The following GART variants were observed in gnomAD, a reference collection of about 807,000 sequenced individuals.
GART encodes the protein phosphoribosylglycinamide formyltransferase, phosphoribosylglycinamide synthetase, phosphoribosylaminoimidazole synthetase, also known as trifunctional purine biosynthetic protein adenosine-3.
Under a neutral mutation model 107.2 loss-of-function variants are expected in GART, and 43 were observed. The observed-to-expected ratio is 0.40, with a 90% CI of 0.31 to 0.52. The LOEUF (loss-of-function observed/expected upper bound fraction) is 0.52, where lower values mean the gene tolerates loss of function less well. Ranked by LOEUF, GART falls within the 20% of genes least tolerant of loss-of-function variation. GART has a pLI of 0.52. For synonymous variants in GART, 434 were observed against 427.0 expected (o/e 1.02, Z -0.20); for missense variants, 1,107 against 1,206.5 (o/e 0.92, Z 1.22).
intron 14 of GART, 138 bp from the exon 15 acceptor site, chr21:33,517,746 G>A (rs1365387306): frequency 2.3e-6 from 2 of 869,912 alleles, no homozygotes; most frequent in East Asian, 2.6e-5. Flanking sequence ...TACTCTACCA[G>A]CTGTCTAACA....
intron 16 of GART, among the ~76,000 whole-genome samples, chr21:33,516,246 TAAA>T (rs11321647): frequency 1.5e-4 from 14 of 95,190 alleles, no homozygotes; most frequent in Admixed American, 7.4e-4. Flanking sequence ...AGACTCTGTC[TAAA>T]AAAAAAAAAA....
chr21:33,516,246 TAA>T (rs11321647), intron 16 of GART, among the ~76,000 whole-genome samples: 2,922 of 95,228 alleles, frequency 0.031, 32 homozygotes, highest in Non-Finnish European at 0.043. Flanking sequence ...AGACTCTGTC[TAA>T]AAAAAAAAAA....
At position 33,506,386 on chromosome 21, in the gene GART, C is replaced by T. The variant is rs1237165331; in HGVS notation, c.2453-282G>A. 5.3e-5 allele frequency among the ~76,000 whole-genome samples: 8 copies of T among 152,130 alleles called. No individual in the cohort carries two copies. In the East Asian group the frequency reaches 5.8e-4, roughly 11 times the overall value. The stretch of plus-strand genomic sequence containing the variant: ...CTGGAACTCCTGACATCAGGTGATC[C>T]GCCCACCTCGGCCTCCCAAATTTGG... On this transcript the variant is annotated intron_variant, in intron 18 of 21. Transcript: ENST00000381815.
chr21:33,530,716 A>T, intron 7 of GART, 43 bp downstream of exon 7: 2 of 1,359,872 alleles, frequency 1.5e-6, no homozygotes, highest in Non-Finnish European at 1.9e-6. Flanking sequence ...TCTCTGAGAA[A>T]ACCAAACTAC....
At chr21:33,518,202 G>A (rs2084910688) in intron 14 of GART, among the ~76,000 whole-genome samples, 1 of 152,184 alleles carries the variant, frequency 6.6e-6, no homozygotes, top group Non-Finnish European at 1.5e-5. Context: ...TAAATTGTGG[G>A]CTGGGCATCG....
At chr21:33,516,233 G>A (rs1247411153) in intron 16 of GART, among the ~76,000 whole-genome samples, 1 of 127,716 alleles carries the variant, frequency 7.8e-6, no homozygotes, top group Non-Finnish European at 1.6e-5. Flanking sequence ...GGGCTACAGA[G>A]TGAGACTCTG....
At chr21:33,510,632 GTC>G (rs1239659272) in intron 17 of GART, among the ~76,000 whole-genome samples, 3 of 152,084 alleles carry the variant, frequency 2.0e-5, no homozygotes, top group East Asian at 1.9e-4. Context: ...GCCCGGCTGG[GTC>G]TCTCTTTCTT....
intron 5 of GART, chr21:33,531,785 A>G: frequency 2.2e-6 from 1 of 462,760 alleles, no homozygotes; most frequent in Non-Finnish European, 3.8e-6. Flanking sequence ...CACACCTCTA[A>G]TATTCTCCTG....
chr21:33,520,586 C>A, intron 13 of GART, 24 bp from the exon 14 acceptor site: 1 of 1,591,452 alleles, frequency 6.3e-7, no homozygotes, highest in Non-Finnish European at 8.6e-7. Context: ...ATATAAACAT[C>A]CACATTAGGG....
chr21:33,504,270 C>G lies in GART; in HGVS notation c.2887G>C (p.Val963Leu), dbSNP rs755855870. Residue 963 changes from valine (V) to leucine (L), a missense_variant, in exon 22 of 22, where the codon GTG becomes CTG. Physicochemically the swap from Val to Leu is conservative, Grantham distance 32. Transcript: ENST00000381815. Reference sequence around the variant, plus strand: ...GTTGCGACAGTATCACCCCTCTTCACGGGAACAGCTTCTTGCAAAATAATC... The same window carrying G: ...GTTGCGACAGTATCACCCCTCTTCAGGGGAACAGCTTCTTGCAAAATAATC... ...GQIILQEAVP[V>L]KRGDTVATLS... 6.2e-7 allele frequency: 1 copy of G among 1,614,180 alleles called. No individual in the cohort carries two copies. Among genetic ancestry groups the G allele is most frequent in the Admixed American group, 1.7e-5 (1 of 60,004 alleles).
Position 33,511,337 on chromosome 21 carries a change from C to A in GART, c.2229G>T (p.Lys743Asn). 1 of 1,614,198 alleles carries A rather than the reference C, an allele frequency of 6.2e-7. No individual in the cohort carries two copies. The change falls in exon 17 of 22, where the codon AAG (lysine) becomes AAT (asparagine). Residue 743 changes from lysine to asparagine, a missense_variant. Transcript: ENST00000381815. ...CCCTCAGAATCTGCTCTGTCTGCTC[C>A]TTTGATACCACAAGGACAGCGCCAA... ...CGVGAVLVVS[K>N]EQTEQILRDI... is the part of the protein sequence containing the mutation.
In GART at chr21:33,534,737, C is replaced by T; in HGVS notation, c.258G>A (p.Leu86=). 3 of 1,592,182 alleles carry T rather than the reference C, an allele frequency of 1.9e-6. No homozygotes were observed. The highest frequency in any genetic ancestry group is 2.6e-6 in the Non-Finnish European group (3 of 1,171,192). The change falls in exon 4 of 22, where the codon CTG becomes CTA. Residue 86 remains leucine, a synonymous_variant. Transcript: ENST00000381815. ...APLAAGIVGN[L]RSAGVQCFGP... is the part of the protein sequence containing the mutation. Reference sequence around the variant, plus strand: ...CAAAGCATTGCACTCCTGCAGACCTCAGGTTCCCAACAATCCCTATTGATG... The same window carrying T: ...CAAAGCATTGCACTCCTGCAGACCTTAGGTTCCCAACAATCCCTATTGATG...
At chr21:33,539,452 G>A (rs2085368200) in intron 1 of GART, 96 bp from the exon 2 acceptor site, 1 of 845,632 alleles carries the variant, frequency 1.2e-6, no homozygotes, top group African/African-American at 1.8e-5. Flanking sequence ...CAGCATTTTG[G>A]GAGGCCGAGG....
Position 33,524,903 on chromosome 21 carries a change from T to TGC in GART, c.1162_1163dup (p.Val389GlnfsTer20), listed in dbSNP as rs751623987. The TGC allele has an allele frequency of 6.2e-7, 1 of 1,614,220 alleles. No homozygotes were observed. Among genetic ancestry groups the TGC allele is most frequent in the Non-Finnish European group, 8.5e-7 (1 of 1,180,032 alleles). ...TGAGATTTTCCCGGATGGCTGTGAC[T>TGC]GCAAGAACTCTACCCCCATGAGTTA... On this transcript the variant is annotated frameshift_variant, in exon 11 of 22. Transcript: ENST00000381815. LOFTEE classifies it high-confidence loss of function.
intron 17 of GART, 71 bp from the exon 18 acceptor site, chr21:33,509,991 T>C: frequency 7.1e-7 from 1 of 1,405,808 alleles, no homozygotes; most frequent in South Asian, 1.3e-5. Flanking sequence ...GAAAGAAAAA[T>C]ATTTTATGAA....
chr21:33,535,418 T>A, intron 2 of GART, 98 bp from the exon 3 acceptor site: 1 of 663,712 alleles, frequency 1.5e-6, no homozygotes, highest in Non-Finnish European at 2.4e-6. Flanking sequence ...GTTCTATACT[T>A]TAGTATGCTT....
At chr21:33,523,737 C>G (rs904518375) in intron 11 of GART, among the ~76,000 whole-genome samples, 8 of 151,998 alleles carry the variant, frequency 5.3e-5, no homozygotes, top group Non-Finnish European at 1.2e-4. Flanking sequence ...GAGGCTGAGG[C>G]AGGCAGATCA....
rs1047292201 is a variant in GART, at chr21:33,532,532, A to C, written c.417-76T>G. ...ATTTTAAAATGCTGTGGGATTTTGT[A>C]ACGATATGCTATAGCAATGACTGAA... On this transcript the variant is annotated intron_variant, in intron 4 of 21. Coordinates refer to ENST00000381815, the MANE Select transcript of GART (RefSeq NM_000819.5). 5.6e-6 allele frequency: 6 copies of C among 1,075,730 alleles called. No homozygotes were observed. The Admixed American group carries it at 7.0e-5, about 12-fold the overall frequency. The allele number at this position is 1,075,730 out of a possible 1,614,324, so 66.6% of individuals were successfully genotyped here. A position where few individuals can be genotyped will look rare whatever the true frequency, so the allele number is the denominator to read the frequency against.
chr21:33,517,121 T>C lies in GART; in HGVS notation c.1975A>G (p.Thr659Ala). The change falls in exon 16 of 22, where the codon ACC (threonine) becomes GCC (alanine). Residue 659 changes from threonine (T) to alanine (A), a missense_variant. By Grantham distance (58) the Thr-to-Ala change is moderately conservative. Coordinates refer to ENST00000381815, the MANE Select transcript of GART (RefSeq NM_000819.5). ...AACAGTGAATGGCTGTAGATTCTGGTAGGCGTGAGAAGTAAGTCCCCTGCA... is the reference window on the plus strand; with the variant it reads ...AACAGTGAATGGCTGTAGATTCTGGCAGGCGTGAGAAGTAAGTCCCCTGCA... The part of the protein sequence containing the change: ...QTLGDLLLTP[T>A]RIYSHSLLPV... 1 of 1,611,272 alleles carries C rather than the reference T, an allele frequency of 6.2e-7. No individual in the cohort carries two copies. Among genetic ancestry groups the C allele is most frequent in the Non-Finnish European group, 8.5e-7 (1 of 1,179,360 alleles).
Sources: allele counts gnomAD v4.1 joint callset (sites outside exome capture counted in the v4.1 genomes callset), GRCh38; gene constraint gnomAD v4.1.1; transcripts MANE v1.5; gene names NCBI Gene and HGNC (gene_info 2026-07-23, HGNC 2026-07-21).